Variants in GNAQ observed in about 807,000 individuals in gnomAD.
The protein encoded by GNAQ is G protein subunit alpha q, also known as guanine nucleotide-binding protein G(q) subunit alpha.
GNAQ carries 8 observed loss-of-function variants against 43.9 expected under a neutral mutation model. The observed-to-expected ratio is 0.18, with a 90% CI of 0.11 to 0.33. GNAQ has a LOEUF of 0.33. Ranked by LOEUF, GNAQ falls within the 10% of genes least tolerant of loss-of-function variation. GNAQ has a pLI of 1.00. For synonymous variants in GNAQ, 155 were observed against 170.7 expected, an observed-to-expected ratio of 0.91 and a Z score of 0.71; for missense variants, 158 against 450.8, an observed-to-expected ratio of 0.35 and a Z score of 5.88.
At position 77,716,940 on chromosome 9, in the gene GNAQ, G is replaced by C; in HGVS notation, c.*4383C>G. 1 of 232,816 alleles carries C rather than the reference G, an allele frequency of 4.3e-6. No individual in the cohort carries two copies. The highest frequency in any genetic ancestry group is 8.5e-6 in the Non-Finnish European group (1 of 117,798). The allele number at this position is 232,816 out of a possible 1,614,324, so 14.4% of individuals were successfully genotyped here. A position where few individuals can be genotyped will look rare whatever the true frequency, so the allele number is the denominator to read the frequency against. On this transcript the variant is annotated 3_prime_UTR_variant, in exon 7 of 7. Coordinates refer to ENST00000286548, the MANE Select transcript of GNAQ (RefSeq NM_002072.5). ...GCAGTGATCATTGGGAAGACAGCAG[G>C]AAATGGCTATTCTGTGAGAAAAACA...
At chr9:78,002,809 T>C (rs933916124) in intron 1 of GNAQ, among the ~76,000 whole-genome samples, 2 of 152,190 alleles carry the variant, frequency 1.3e-5, no homozygotes, top group African/African-American at 4.8e-5. Context: ...ATACTTACAA[T>C]TGGTTTTCTA....
chr9:77,933,589 G>A (rs531153047), intron 1 of GNAQ, among the ~76,000 whole-genome samples: 32 of 151,752 alleles, frequency 2.1e-4, no homozygotes, highest in Admixed American at 2.0e-3. Context: ...AGGTTGCAGT[G>A]ACCTGAGATT....
chr9:77,755,629 T>C (rs1183947144), intron 5 of GNAQ, among the ~76,000 whole-genome samples: 2 of 152,236 alleles, frequency 1.3e-5, no homozygotes, highest in Non-Finnish European at 2.9e-5. Flanking sequence ...TTTTCCTTTA[T>C]CATGTGACAT....
At chr9:77,979,299 T>C (rs10870000) in intron 1 of GNAQ, among the ~76,000 whole-genome samples, 18,075 of 150,196 alleles carry the variant, frequency 0.12, 1,198 homozygotes, top group East Asian at 0.26. Context: ...GAGGTTGCGG[T>C]GAGCCGAGAT....
chr9:77,898,781 G>T (rs760353933), intron 2 of GNAQ, among the ~76,000 whole-genome samples: 2 of 152,036 alleles, frequency 1.3e-5, no homozygotes, highest in Non-Finnish European at 2.9e-5. Flanking sequence ...CTGCTATTAA[G>T]AATTTATTAT....
intron 1 of GNAQ, among the ~76,000 whole-genome samples, chr9:77,989,757 T>G (rs1463275247): frequency 6.6e-6 from 1 of 152,216 alleles, no homozygotes; most frequent in African/African-American, 2.4e-5. Flanking sequence ...CAATTAGAAG[T>G]GGGTGTTTCT....
intron 2 of GNAQ, among the ~76,000 whole-genome samples, chr9:77,819,464 T>C (rs1377680969): frequency 6.6e-6 from 1 of 152,056 alleles, no homozygotes; most frequent in Non-Finnish European, 1.5e-5. Flanking sequence ...TTTGGAAGGA[T>C]TTTCAAAATC....
At chr9:77,895,517 T>C (rs1167423454) in intron 2 of GNAQ, among the ~76,000 whole-genome samples, 1 of 152,134 alleles carries the variant, frequency 6.6e-6, no homozygotes, top group Non-Finnish European at 1.5e-5. Context: ...GTGGAGACAC[T>C]CTAGAGAGAA....
intron 2 of GNAQ, among the ~76,000 whole-genome samples, chr9:77,823,712 C>T (rs1277730732): frequency 1.3e-5 from 2 of 152,074 alleles, no homozygotes; most frequent in African/African-American, 4.8e-5. Flanking sequence ...CACTTTTAAA[C>T]GATCAGATCT....
At chr9:77,741,543 C>T (rs771861278) in intron 5 of GNAQ, among the ~76,000 whole-genome samples, 6 of 152,086 alleles carry the variant, frequency 3.9e-5, no homozygotes, top group South Asian at 2.1e-4. Flanking sequence ...TTTCTTCCCA[C>T]GGCACAGAGG....
At chr9:77,901,348 C>T (rs908640521) in intron 2 of GNAQ, among the ~76,000 whole-genome samples, 1 of 152,202 alleles carries the variant, frequency 6.6e-6, no homozygotes, top group African/African-American at 2.4e-5. Context: ...CCTTATCTCT[C>T]ACCACAAAAC....
intron 2 of GNAQ, among the ~76,000 whole-genome samples, chr9:77,826,216 A>G (rs1459903610): frequency 1.3e-5 from 2 of 152,194 alleles, no homozygotes; most frequent in Non-Finnish European, 2.9e-5. Context: ...ATGCTATGGC[A>G]AAGAATAGAA....
At chr9:77,758,039 A>G (rs970642733) in intron 5 of GNAQ, among the ~76,000 whole-genome samples, 31 of 152,220 alleles carry the variant, frequency 2.0e-4, no homozygotes, top group African/African-American at 6.8e-4. Flanking sequence ...ATTAAACACT[A>G]AAGTCTAAAA....
At chr9:77,734,942 G>T (rs567513348) in intron 5 of GNAQ, among the ~76,000 whole-genome samples, 1 of 152,166 alleles carries the variant, frequency 6.6e-6, no homozygotes, top group Admixed American at 6.5e-5. Flanking sequence ...AAAGTTACAG[G>T]TTAAGACAAC....
intron 1 of GNAQ, among the ~76,000 whole-genome samples, chr9:77,942,582 A>C (rs1829331225): frequency 6.6e-6 from 1 of 152,216 alleles, no homozygotes; most frequent in African/African-American, 2.4e-5. Flanking sequence ...ATAATAAGGC[A>C]TTCCCAATAG....
intron 2 of GNAQ, among the ~76,000 whole-genome samples, chr9:77,879,246 G>A (rs935987694): frequency 2.0e-5 from 3 of 152,036 alleles, no homozygotes; most frequent in African/African-American, 7.2e-5. Flanking sequence ...CTTACTGGAT[G>A]CTGGATTTTT....
chr9:77,735,711 G>A (rs985778152), intron 5 of GNAQ, among the ~76,000 whole-genome samples: 1 of 152,192 alleles, frequency 6.6e-6, no homozygotes, highest in Non-Finnish European at 1.5e-5. Context: ...AAAAGTACAG[G>A]AATTCACATG....
chr9:77,760,451 C>T (rs1361577085), intron 5 of GNAQ, among the ~76,000 whole-genome samples: 1 of 152,094 alleles, frequency 6.6e-6, no homozygotes, highest in African/African-American at 2.4e-5. Context: ...GCGAGTGATC[C>T]GCCAGCCTCG....
intron 6 of GNAQ, among the ~76,000 whole-genome samples, chr9:77,724,929 GAAGT>G (rs147866725): frequency 0.034 from 5,096 of 152,054 alleles, 244 homozygotes; most frequent in African/African-American, 0.11. Context: ...TAACTCCAGA[GAAGT>G]AATAAAAACT....
Sources: gnomAD v4.1 joint callset for allele counts (sites outside exome capture counted in the v4.1 genomes callset) on GRCh38, gnomAD v4.1.1 for gene constraint, MANE v1.5 for transcripts, NCBI Gene and HGNC (gene_info 2026-07-23, HGNC 2026-07-21) for gene names.